Variants in KLHL5 observed in about 807,000 individuals in gnomAD.
The protein encoded by KLHL5 is kelch-like protein 5.
KLHL5 carries 48 observed loss-of-function variants against 77.7 expected under a neutral mutation model. That is an observed-to-expected ratio of 0.62 (90% CI 0.49 to 0.79). The LOEUF is 0.79. Among genes scored for constraint, KLHL5 ranks in the 30% least tolerant of loss-of-function variants. KLHL5 has a pLI of 0.00. For missense variants in KLHL5, 723 were observed against 859.7 expected (o/e 0.84, Z 1.99); for synonymous variants, 260 against 297.0 (o/e 0.88, Z 1.28).
At chr4:39,082,202 A>G (rs1368585903) in intron 4 of KLHL5, 43 bp downstream of exon 4, 5 of 1,434,168 alleles carry the variant, frequency 3.5e-6, no homozygotes, top group East Asian at 4.7e-5. Context: ...CTCCATATGC[A>G]TATTTCTTAT....
Position 39,096,787 on chromosome 4 carries a change from G to T in KLHL5, c.1209G>T (p.Glu403Asp). The T allele has an allele frequency of 6.2e-7, 1 of 1,613,640 alleles. No individual in the cohort carries two copies. The highest frequency in any genetic ancestry group is 1.3e-5 in the African/African-American group (1 of 75,018). The change falls in exon 6 of 11, where the codon GAG (glutamate) becomes GAT (aspartate). Residue 403 changes from glutamate (E) to aspartate (D), a missense_variant. Coordinates refer to ENST00000504108, the MANE Select transcript of KLHL5 (RefSeq NM_015990.5). ...CAATGAAGTACCATTTATTACCAGA[G>T]AGACGACCCATGTTACAAAGTCCTC... ...MEAMKYHLLPERRPMLQSPRT... is the reference protein window; with the variant it reads ...MEAMKYHLLPDRRPMLQSPRT...
intron 8 of KLHL5, among the ~76,000 whole-genome samples, chr4:39,107,945 T>A (rs1485860087): frequency 6.6e-6 from 1 of 151,752 alleles, no homozygotes; most frequent in African/African-American, 2.4e-5. Flanking sequence ...TTTTTAGTTA[T>A]CATTTTGAGT....
At chr4:39,078,076 A>G (rs1025055331) in intron 2 of KLHL5, among the ~76,000 whole-genome samples, 1 of 152,206 alleles carries the variant, frequency 6.6e-6, no homozygotes, top group African/African-American at 2.4e-5. Flanking sequence ...CTAAGCTATG[A>G]GGATGCAAAG....
chr4:39,059,060 T>G (rs1223814410), upstream of KLHL5, among the ~76,000 whole-genome samples: 2 of 152,190 alleles, frequency 1.3e-5, no homozygotes, highest in African/African-American at 4.8e-5. Context: ...TAATACGTAT[T>G]GATCGTTTAT....
intron 1 of KLHL5, among the ~76,000 whole-genome samples, chr4:39,053,302 A>T (rs1238672370): frequency 6.6e-6 from 1 of 152,222 alleles, no homozygotes; most frequent in African/African-American, 2.4e-5. Flanking sequence ...TTATGTGATC[A>T]GAGAGCCCAG....
At chr4:39,084,994 G>A (rs1231821018) in intron 4 of KLHL5, among the ~76,000 whole-genome samples, 3 of 152,072 alleles carry the variant, frequency 2.0e-5, no homozygotes, top group Non-Finnish European at 1.5e-5. Flanking sequence ...AGTATTGTTA[G>A]GTAGTCAGCT....
At position 39,086,643 on chromosome 4, in the gene KLHL5, T is replaced by C. The variant is rs770191553; in HGVS notation, c.1029T>C (p.Thr343=). The C allele has an allele frequency of 1.2e-6, 2 of 1,614,000 alleles. No individual in the cohort carries two copies. The highest frequency in any genetic ancestry group is 3.3e-5 in the Admixed American group (2 of 59,988). ...NEETILNALL[T]WVRHDLEQRR... ...AGACAATATTGAATGCACTTCTTAC[T>C]TGGGTCCGTCATGATTTGGAACAGA... Residue 343 remains threonine, a synonymous_variant, in exon 5 of 11, where the codon ACT becomes ACC. Transcript: ENST00000504108.
chr4:39,063,662 G>T, intron 1 of KLHL5: 1 of 393,872 alleles, frequency 2.5e-6, no homozygotes, highest in Non-Finnish European at 5.3e-6. Flanking sequence ...TGAAATGTGT[G>T]CTATTTAGGG....
chr4:39,110,216 G>GT (rs1722354170), intron 8 of KLHL5, among the ~76,000 whole-genome samples: 1 of 152,194 alleles, frequency 6.6e-6, no homozygotes, highest in African/African-American at 2.4e-5. Flanking sequence ...GTGAAGAAGA[G>GT]TAAGTGCTGA....
upstream of KLHL5, chr4:39,044,904 G>C: frequency 1.0e-6 from 1 of 982,220 alleles, no homozygotes; most frequent in Non-Finnish European, 1.2e-6. Context: ...GCCTGGCGCC[G>C]CCTGACGGAG....
At chr4:39,047,063 G>T (rs1716244961) in intron 1 of KLHL5, among the ~76,000 whole-genome samples, 1 of 152,184 alleles carries the variant, frequency 6.6e-6, no homozygotes, top group African/African-American at 2.4e-5. Flanking sequence ...GATGTATTTT[G>T]TAATATTTTC....
chr4:39,061,097 C>T (rs529567394), upstream of KLHL5, among the ~76,000 whole-genome samples: 90 of 152,304 alleles, frequency 5.9e-4, 1 homozygote, highest in Admixed American at 1.8e-3. Context: ...CCTAATGAAA[C>T]TGGCCCATAC....
At chr4:39,069,463 TATATATATATAC>T (rs1293486721) in intron 1 of KLHL5, among the ~76,000 whole-genome samples, 1,082 of 55,518 alleles carry the variant, frequency 0.019, 3 homozygotes, top group Non-Finnish European at 0.028. Context: ...TATATATATA[TATATATATATAC>T]ACACACACAC....
At chr4:39,143,036 TAC>T in the KLHL5 span, among the ~76,000 whole-genome samples, 127 of 149,496 alleles carry the variant, frequency 8.5e-4, no homozygotes, top group South Asian at 2.3e-3. Context: ...TGTATAAAGT[TAC>T]ACACACACAC....
At chr4:39,137,710 C>T in the KLHL5 span, among the ~76,000 whole-genome samples, 1 of 152,174 alleles carries the variant, frequency 6.6e-6, no homozygotes, top group Non-Finnish European at 1.5e-5. Flanking sequence ...GAACCGGGAA[C>T]ATCTTACCAT....
chr4:39,076,910 A>G (rs1027838492), intron 2 of KLHL5, among the ~76,000 whole-genome samples: 1 of 152,090 alleles, frequency 6.6e-6, no homozygotes, highest in Admixed American at 6.6e-5. Context: ...AACAAAAACA[A>G]AGATAAATAG....
At chr4:39,126,712 G>A (rs1263293919), downstream of KLHL5, 3 of 455,804 alleles carry the variant, frequency 6.6e-6, no homozygotes, top group African/African-American at 2.0e-5. Context: ...ACATACTTTT[G>A]AGGACAGCAA....
At chr4:39,115,577 A>T in intron 10 of KLHL5, 1 of 1,447,754 alleles carries the variant, frequency 6.9e-7, no homozygotes, top group East Asian at 2.5e-5. Context: ...CACTTGCATG[A>T]TGAAGTGTTC....
chr4:39,098,259 G>GT (rs1241527975), intron 6 of KLHL5, among the ~76,000 whole-genome samples: 1 of 151,206 alleles, frequency 6.6e-6, no homozygotes. Context: ...GCAAGTTACT[G>GT]TTTTTTTGTT....
Sources: gnomAD v4.1 joint callset for allele counts (sites outside exome capture counted in the v4.1 genomes callset) on GRCh38, gnomAD v4.1.1 for gene constraint, MANE v1.5 for transcripts, NCBI Gene and HGNC (gene_info 2026-07-23, HGNC 2026-07-21) for gene names.